Variants in ELAPOR2 observed in about 807,000 individuals in gnomAD.
The protein encoded by ELAPOR2 is endosome-lysosome associated apoptosis and autophagy regulator family member 2.
A neutral mutation model predicts 120.7 loss-of-function variants in ELAPOR2; 89 were observed. The observed-to-expected ratio is 0.74, with a 90% CI of 0.62 to 0.88. The LOEUF (loss-of-function observed/expected upper bound fraction) is 0.88. Ranked by LOEUF, ELAPOR2 falls within the 40% of genes least tolerant of loss-of-function variation. The pLI, the probability that ELAPOR2 is intolerant of heterozygous loss-of-function variation, is 0.00. For synonymous variants in ELAPOR2, 444 were observed against 444.9 expected (o/e 1.00, Z 0.03); for missense variants, 1,134 against 1,251.6 (o/e 0.91, Z 1.42).
intron 13 of ELAPOR2, 85 bp from the exon 14 acceptor site, chr7:86,913,289 A>C: frequency 7.7e-7 from 1 of 1,302,488 alleles, no homozygotes; most frequent in South Asian, 1.3e-5. Context: ...CATCATCAAA[A>C]TAACTAAATA....
chr7:86,934,552 C>T (rs915454552), intron 8 of ELAPOR2, among the ~76,000 whole-genome samples: 4 of 151,926 alleles, frequency 2.6e-5, no homozygotes, highest in East Asian at 1.9e-4. Flanking sequence ...TACTCTATGG[C>T]AGTAACTCCC....
chr7:86,959,433 A>T (rs1791614438), intron 2 of ELAPOR2, among the ~76,000 whole-genome samples: 1 of 152,228 alleles, frequency 6.6e-6, no homozygotes, highest in South Asian at 2.1e-4. Context: ...TCAGTTTTTC[A>T]CAACTGAGTA....
chr7:87,047,654 C>A (rs1794992007), intron 1 of ELAPOR2, among the ~76,000 whole-genome samples: 3 of 152,038 alleles, frequency 2.0e-5, no homozygotes, highest in Admixed American at 6.6e-5. Flanking sequence ...AAATGACTAT[C>A]CAAAAGACAG....
chr7:86,933,105 G>A (rs1476877782), intron 8 of ELAPOR2, among the ~76,000 whole-genome samples: 1 of 150,730 alleles, frequency 6.6e-6, no homozygotes, highest in Non-Finnish European at 1.5e-5. Flanking sequence ...TATTCCTATG[G>A]CAAATATGTA....
intron 21 of ELAPOR2, among the ~76,000 whole-genome samples, chr7:86,884,353 A>C (rs1187449621): frequency 2.0e-5 from 3 of 152,160 alleles, no homozygotes; most frequent in Non-Finnish European, 1.5e-5. Context: ...TTCACCAGGC[A>C]ATCAGCCTTA....
chr7:86,908,074 T>C (rs1175608378), intron 17 of ELAPOR2, among the ~76,000 whole-genome samples: 1 of 151,696 alleles, frequency 6.6e-6, no homozygotes, highest in African/African-American at 2.4e-5. Flanking sequence ...CTTAGGCCAA[T>C]GCTTTGATAT....
chr7:86,893,233 G>A, intron 19 of ELAPOR2, 133 bp from the exon 20 acceptor site: 2 of 623,686 alleles, frequency 3.2e-6, no homozygotes, highest in Non-Finnish European at 5.3e-6. Flanking sequence ...TTTACTTACA[G>A]TAGGCATAGA....
At chr7:86,883,061 T>TGTGA (rs1166179071) in intron 21 of ELAPOR2, among the ~76,000 whole-genome samples, 6 of 149,156 alleles carry the variant, frequency 4.0e-5, no homozygotes, top group African/African-American at 1.2e-4. Context: ...TGTGTGTGTG[T>TGTGA]GAAAGACATG....
intron 1 of ELAPOR2, among the ~76,000 whole-genome samples, chr7:87,002,614 G>A (rs1793354420): frequency 6.6e-6 from 1 of 152,038 alleles, no homozygotes; most frequent in Admixed American, 6.6e-5. Context: ...AGCAGGGGTA[G>A]GCAGAACACT....
intron 1 of ELAPOR2, among the ~76,000 whole-genome samples, chr7:86,998,443 G>C (rs1197244251): frequency 6.6e-6 from 1 of 152,196 alleles, no homozygotes; most frequent in African/African-American, 2.4e-5. Context: ...GATGGTTATA[G>C]AGTAGTGGAG....
chr7:86,978,379 T>C (rs756890308), intron 1 of ELAPOR2, among the ~76,000 whole-genome samples: 25 of 152,230 alleles, frequency 1.6e-4, no homozygotes, highest in Non-Finnish European at 3.5e-4. Flanking sequence ...GTAAGAAAAT[T>C]AAACATTTAT....
intron 11 of ELAPOR2, 34 bp from the exon 12 acceptor site, chr7:86,918,578 T>C (rs747083125): frequency 4.0e-6 from 5 of 1,240,728 alleles, no homozygotes; most frequent in South Asian, 1.2e-5. Flanking sequence ...ATATTTATAC[T>C]ATGTTCTAAA....
chr7:86,907,238 T>C (rs1314946289), intron 18 of ELAPOR2, among the ~76,000 whole-genome samples: 1 of 151,992 alleles, frequency 6.6e-6, no homozygotes, highest in Non-Finnish European at 1.5e-5. Flanking sequence ...CCCCATACCC[T>C]TCCAGAGAAA....
At chr7:86,932,752 G>A (rs149402145) in intron 8 of ELAPOR2, among the ~76,000 whole-genome samples, 6 of 151,924 alleles carry the variant, frequency 3.9e-5, no homozygotes, top group East Asian at 3.9e-4. Flanking sequence ...AATAGCTGTC[G>A]CATTTTTTAT....
chr7:86,938,964 T>G lies in ELAPOR2; in HGVS notation c.848-4A>C. 2 of 1,612,698 alleles carry G rather than the reference T, an allele frequency of 1.2e-6. No homozygotes were observed. Among genetic ancestry groups the G allele is most frequent in the South Asian group, 1.1e-5 (1 of 91,032 alleles). On this transcript the variant is annotated splice_polypyrimidine_tract_variant and splice_region_variant and intron_variant, in intron 6 of 21. Coordinates refer to ENST00000450689, the MANE Select transcript of ELAPOR2 (RefSeq NM_001142749.3). Reference sequence around the variant, plus strand: ...CATTCTGATGTGTACGCCACCCCTGTGCAGTAATGAAAAACAGAGCATGGG... The same window carrying G: ...CATTCTGATGTGTACGCCACCCCTGGGCAGTAATGAAAAACAGAGCATGGG...
intron 2 of ELAPOR2, among the ~76,000 whole-genome samples, chr7:86,955,530 A>G (rs1348619413): frequency 1.3e-5 from 2 of 152,120 alleles, no homozygotes; most frequent in African/African-American, 4.8e-5. Context: ...CCAAATACTA[A>G]TAGTGGCAGA....
rs1791852573 is a variant in ELAPOR2 at position 86,965,007 on chromosome 7, T to C, written c.207A>G (p.Glu69=). 6.4e-7 allele frequency: 1 copy of C among 1,551,558 alleles called. No individual in the cohort carries two copies. The highest frequency in any genetic ancestry group is 8.7e-7 in the Non-Finnish European group (1 of 1,146,842). Residue 69 remains glutamate, a synonymous_variant, in exon 2 of 22, where the codon GAA becomes GAG. Transcript: ENST00000450689. ...PPCQEKDYHF[E]YTECDSSGSR... ...AGCCACTGCTATCACATTCCGTATA[T>C]TCAAAGTGATAATCTTTCTGCAAAC...
At chr7:86,895,096 T>G (rs1284496984) in intron 19 of ELAPOR2, among the ~76,000 whole-genome samples, 2 of 152,114 alleles carry the variant, frequency 1.3e-5, no homozygotes, top group African/African-American at 4.8e-5. Flanking sequence ...GAAATAGGAC[T>G]GAAACACAAC....
chr7:86,924,245 A>C (rs1789956011), intron 10 of ELAPOR2, among the ~76,000 whole-genome samples: 1 of 152,046 alleles, frequency 6.6e-6, no homozygotes, highest in African/African-American at 2.4e-5. Context: ...AACTAAGCAA[A>C]ATTTAAAAAT....
Sources: gnomAD v4.1 joint callset for allele counts (sites outside exome capture counted in the v4.1 genomes callset) on GRCh38, gnomAD v4.1.1 for gene constraint, MANE v1.5 for transcripts, NCBI Gene and HGNC (gene_info 2026-07-23, HGNC 2026-07-21) for gene names.